Variants in KLB observed in about 807,000 individuals in gnomAD.
KLB encodes the protein klotho beta, also known as beta-klotho.
KLB carries 44 observed loss-of-function variants against 88.4 expected under a neutral mutation model. The observed-to-expected ratio is 0.50, with a 90% CI of 0.39 to 0.64. KLB has a LOEUF of 0.64. Ranked by LOEUF, KLB falls within the 30% of genes least tolerant of loss-of-function variation. The probability of loss-of-function intolerance (pLI) is 0.00; values close to 1 mark genes in which losing one functional copy is unlikely to be tolerated. For synonymous variants in KLB, 548 were observed against 513.4 expected (o/e 1.07, Z -0.91); for missense variants, 1,137 against 1,304.8 (o/e 0.87, Z 1.98).
At position 39,446,720 on chromosome 4, in the gene KLB, C is replaced by A; in HGVS notation, c.1994C>A (p.Ser665Ter). The A allele has an allele frequency of 6.2e-7, 1 of 1,606,856 alleles. No homozygotes were observed. The highest frequency in any genetic ancestry group is 8.5e-7 in the Non-Finnish European group (1 of 1,175,786). ...LLHADGWLNP[S>*]TAEAFQAYAG... ...CATGCCGACGGGTGGCTGAACCCAT[C>A]GACGGCCGAGGCCTTCCAGGCCTAC... The change falls in exon 4 of 5, where the codon TCG (serine) becomes TAG (stop). Residue 665 changes from serine (S) to a stop codon, truncating the protein, a stop_gained. Transcript: ENST00000257408. LOFTEE classifies it high-confidence loss of function. This position sits in a 1 kb window ranked among gnomAD's most constrained non-coding sequence, Gnocchi z 6.4.
chr4:39,431,156 C>T (rs183653543), intron 1 of KLB, among the ~76,000 whole-genome samples: 39 of 149,060 alleles, frequency 2.6e-4, no homozygotes, highest in East Asian at 1.4e-3. Flanking sequence ...TCTCGAATTC[C>T]TGAGCTCAAG....
intron 1 of KLB, among the ~76,000 whole-genome samples, chr4:39,425,468 C>T (rs531954856): frequency 3.9e-5 from 6 of 152,198 alleles, no homozygotes; most frequent in African/African-American, 1.2e-4. Context: ...CTTGCTCTGT[C>T]ACCCGGGCTG....
In KLB at chr4:39,449,050, C is replaced by T. The variant is rs1030186324; in HGVS notation, c.*364C>T. 2.3e-5 allele frequency: 4 copies of T among 177,566 alleles called. No individual in the cohort carries two copies. The highest frequency in any genetic ancestry group is 5.7e-5 in the Admixed American group (1 of 17,698). The allele number at this position is 177,566 out of a possible 1,614,324, so 11.0% of individuals were successfully genotyped here. On this transcript the variant is annotated 3_prime_UTR_variant, in exon 5 of 5. Transcript: ENST00000257408. ...TAAGAAGTAAAACTCTGGGGCTGGACGCTGTGGCTCACACCTGTAATCTCA... is the reference window on the plus strand; with the variant it reads ...TAAGAAGTAAAACTCTGGGGCTGGATGCTGTGGCTCACACCTGTAATCTCA...
chr4:39,441,122 C>G (rs1743588284), intron 3 of KLB, among the ~76,000 whole-genome samples: 1 of 152,192 alleles, frequency 6.6e-6, no homozygotes, highest in African/African-American at 2.4e-5. Context: ...TCCCAAAGTG[C>G]TGGGATTACA....
chr4:39,410,479 G>C (rs1417009680), intron 1 of KLB, among the ~76,000 whole-genome samples: 3 of 152,132 alleles, frequency 2.0e-5, no homozygotes, highest in Non-Finnish European at 4.4e-5. Context: ...GGTGTGAGGG[G>C]TCCTTGAAAT....
chr4:39,442,085 A>AT (rs1743610213), intron 3 of KLB, among the ~76,000 whole-genome samples: 2 of 152,066 alleles, frequency 1.3e-5, no homozygotes, highest in African/African-American at 4.8e-5. Context: ...CTACAAAAAA[A>AT]ACTGGGTGTG....
chr4:39,409,902 C>T (rs1036094095), intron 1 of KLB, among the ~76,000 whole-genome samples: 3 of 151,810 alleles, frequency 2.0e-5, no homozygotes, highest in Non-Finnish European at 4.4e-5. Context: ...CCAGCCTGGG[C>T]GAGAGTGAAA....
chr4:39,433,750 C>T (rs1329354212), intron 1 of KLB, among the ~76,000 whole-genome samples: 1 of 151,970 alleles, frequency 6.6e-6, no homozygotes, highest in Non-Finnish European at 1.5e-5. Context: ...ATCCCAGCTA[C>T]TCGGGAAGCT....
In KLB at chr4:39,431,091, A is replaced by AT. The variant is rs35397824; in HGVS notation, c.826-3100dup. Among the ~76,000 whole-genome samples, 164 of 114,676 alleles carry AT rather than the reference A, an allele frequency of 1.4e-3. 2 individuals carry two copies. The highest frequency in any genetic ancestry group is 0.013 in the East Asian group (50 of 3,868). 75.2% of individuals were successfully genotyped at this position (114,676 alleles called of 152,430 possible). ...ATCACCATGCCTGGCTAATTTTTGT[A>AT]TTTTTTTTTTTTTTTTTTTGTAGAT... On this transcript the variant is annotated intron_variant, in intron 1 of 4. Transcript: ENST00000257408.
intron 1 of KLB, among the ~76,000 whole-genome samples, chr4:39,413,601 G>C (rs1742905488): frequency 6.6e-6 from 1 of 151,952 alleles, no homozygotes. Context: ...GCACATACCT[G>C]TAGTCCCAGC....
intron 1 of KLB, among the ~76,000 whole-genome samples, chr4:39,415,775 T>C (rs1742951676): frequency 6.6e-6 from 1 of 152,098 alleles, no homozygotes; most frequent in South Asian, 2.1e-4. Context: ...AATGATGAAA[T>C]AATTTTTTAA....
At chr4:39,425,486 G>T (rs760782791) in intron 1 of KLB, among the ~76,000 whole-genome samples, 1 of 152,188 alleles carries the variant, frequency 6.6e-6, no homozygotes, top group African/African-American at 2.4e-5. Flanking sequence ...CTGGAGTGCA[G>T]TGGTGTGAAC....
At position 39,437,861 on chromosome 4, in the gene KLB, A is replaced by G. The variant is rs1237412914; in HGVS notation, c.1471A>G (p.Lys491Glu). 6.2e-7 allele frequency: 1 copy of G among 1,614,112 alleles called. No homozygotes were observed. The highest frequency in any genetic ancestry group is 8.5e-7 in the Non-Finnish European group (1 of 1,180,042). Residue 491 changes from lysine (K) to glutamate (E), a missense_variant, in exon 3 of 5, where the codon AAA becomes GAA. By Grantham distance (56) the Lys-to-Glu change is moderately conservative (BLOSUM62 1). Coordinates refer to ENST00000257408, the MANE Select transcript of KLB (RefSeq NM_175737.4). ...VDFNSKQKER[K>E]PKSSAHYYKQ... ...TTTTAACAGTAAACAGAAAGAGCGG[A>G]AACCTAAGTCTTCAGCACACTACTA...
intron 1 of KLB, among the ~76,000 whole-genome samples, chr4:39,424,222 C>A (rs887487986): frequency 1.3e-5 from 2 of 151,594 alleles, no homozygotes; most frequent in African/African-American, 4.9e-5. Flanking sequence ...AGGTGCACAC[C>A]ACCATACCCA....
intron 1 of KLB, among the ~76,000 whole-genome samples, chr4:39,421,814 A>G (rs1743092924): frequency 6.6e-6 from 1 of 151,328 alleles, no homozygotes; most frequent in East Asian, 1.9e-4. Flanking sequence ...TGGTGCGATC[A>G]GCTCACCCTA....
In KLB at chr4:39,446,859, G is replaced by C. The variant is rs2109846184; in HGVS notation, c.2133G>C (p.Ala711=). 2 of 1,611,014 alleles carry C rather than the reference G, an allele frequency of 1.2e-6. No individual in the cohort carries two copies. Among genetic ancestry groups the C allele is most frequent in the Middle Eastern group, 1.7e-4 (1 of 6,060 alleles). The change falls in exon 4 of 5, where the codon GCG becomes GCC. Residue 711 remains alanine, a synonymous_variant. Coordinates refer to ENST00000257408, the MANE Select transcript of KLB (RefSeq NM_175737.4). This position sits in a 1 kb window ranked among gnomAD's most constrained non-coding sequence, Gnocchi z 6.4. The part of the protein sequence containing the change: ...YNRSGNDTYG[A]AHNLLVAHAL... ...GCTCTGGCAACGACACCTACGGGGCGGCGCACAACCTGCTGGTGGCCCACG... is the reference window on the plus strand; with the variant it reads ...GCTCTGGCAACGACACCTACGGGGCCGCGCACAACCTGCTGGTGGCCCACG...
intron 1 of KLB, among the ~76,000 whole-genome samples, chr4:39,422,901 G>C (rs989211099): frequency 1.3e-5 from 2 of 149,026 alleles, no homozygotes; most frequent in African/African-American, 2.6e-5. Flanking sequence ...AGAGTAGCTG[G>C]GACTACAGGC....
chr4:39,422,460 C>T (rs79314707), intron 1 of KLB, among the ~76,000 whole-genome samples: 1 of 152,152 alleles, frequency 6.6e-6, no homozygotes, highest in South Asian at 2.1e-4. Context: ...CTCTCCACCC[C>T]CTGGTTTCCT....
rs766718782 is a variant in KLB at position 39,407,794 on chromosome 4, T to C, written c.825+20T>C. 8 of 1,341,320 alleles carry C rather than the reference T, an allele frequency of 6.0e-6. No individual in the cohort carries two copies. Among genetic ancestry groups the C allele is most frequent in the Middle Eastern group, 1.9e-4 (1 of 5,238 alleles). The allele number at this position is 1,341,320 out of a possible 1,614,324, so 83.1% of individuals were successfully genotyped here. On this transcript the variant is annotated intron_variant, in intron 1 of 4. Transcript: ENST00000257408. ...ATCAAGGTACTGTACAGCTAGCTTCTTCTTATAGCTTCAGAAAACACTAAG... is the reference window on the plus strand; with the variant it reads ...ATCAAGGTACTGTACAGCTAGCTTCCTCTTATAGCTTCAGAAAACACTAAG...
Sources: gnomAD v4.1 joint callset for allele counts (sites outside exome capture counted in the v4.1 genomes callset) on GRCh38, gnomAD v4.1.1 for gene constraint, Gnocchi (gnomAD v3.1) non-coding constraint, MANE v1.5 for transcripts, NCBI Gene and HGNC (gene_info 2026-07-23, HGNC 2026-07-21) for gene names.